The following SERPINB7 variants were observed in gnomAD, a reference collection of about 807,000 sequenced individuals.
The protein encoded by SERPINB7 is serpin family B member 7.
SERPINB7 carries 31 observed loss-of-function variants against 37.4 expected under a neutral mutation model. That is an observed-to-expected ratio of 0.83 (90% CI 0.62 to 1.12). SERPINB7 has a LOEUF of 1.12. SERPINB7 is among the 50% of genes most tolerant of loss of function. The pLI, the probability that SERPINB7 is intolerant of heterozygous loss-of-function variation, is 0.00. For synonymous variants in SERPINB7, 163 were observed against 166.1 expected (o/e 0.98, Z 0.14); for missense variants, 521 against 455.3 (o/e 1.14, Z -1.31).
At chr18:63,803,244 GAA>G (rs939797793) in intron 7 of SERPINB7, among the ~76,000 whole-genome samples, 1 of 147,252 alleles carries the variant, frequency 6.8e-6, no homozygotes, top group African/African-American at 2.5e-5. Context: ...TGCACTAAAT[GAA>G]AAAAAAAATT....
chr18:63,796,708 T>G (rs1246142667), intron 5 of SERPINB7, among the ~76,000 whole-genome samples: 1 of 152,194 alleles, frequency 6.6e-6, no homozygotes, highest in African/African-American at 2.4e-5. Context: ...AACCTCAATA[T>G]CTCACCCTCG....
chr18:63,780,297 T>C (rs2049289087), intron 1 of SERPINB7, among the ~76,000 whole-genome samples: 1 of 152,206 alleles, frequency 6.6e-6, no homozygotes, highest in Non-Finnish European at 1.5e-5. Context: ...GAAATTCTTA[T>C]GAATACTAAA....
chr18:63,783,226 G>GAAAGAAAGAAAGAA (rs1568207832), intron 2 of SERPINB7, among the ~76,000 whole-genome samples: 1 of 62,768 alleles, frequency 1.6e-5, no homozygotes, highest in African/African-American at 5.8e-5. Flanking sequence ...GAGAGAGAGA[G>GAAAGAAAGAAAGAA]AGAGAGAGAA....
At chr18:63,801,874 C>T (rs189787583) in intron 7 of SERPINB7, among the ~76,000 whole-genome samples, 19 of 152,230 alleles carry the variant, frequency 1.2e-4, no homozygotes, top group African/African-American at 4.6e-4. Flanking sequence ...TTTATGGCCT[C>T]CATAACAATG....
intron 2 of SERPINB7, among the ~76,000 whole-genome samples, chr18:63,789,153 C>G (rs527860974): frequency 6.6e-6 from 1 of 152,264 alleles, no homozygotes; most frequent in Non-Finnish European, 1.5e-5. Flanking sequence ...TGTTCTCAGC[C>G]TTTACTGGTT....
upstream of SERPINB7, among the ~76,000 whole-genome samples, chr18:63,772,561 T>G (rs1392740558): frequency 6.6e-6 from 1 of 152,048 alleles, no homozygotes; most frequent in Non-Finnish European, 1.5e-5. Flanking sequence ...ATAAAATAAT[T>G]TAGGAGGTGA....
At chr18:63,786,300 T>TGC (rs1214349956) in intron 2 of SERPINB7, among the ~76,000 whole-genome samples, 1 of 77,140 alleles carries the variant, frequency 1.3e-5, no homozygotes, top group African/African-American at 1.7e-4. Flanking sequence ...TAGTTTGGAT[T>TGC]ACACGTTTGG....
At chr18:63,784,310 A>C (rs2049343167) in intron 2 of SERPINB7, among the ~76,000 whole-genome samples, 1 of 152,138 alleles carries the variant, frequency 6.6e-6, no homozygotes, top group Non-Finnish European at 1.5e-5. Context: ...TGCATCATTT[A>C]GCAGCATTCC....
chr18:63,800,623 A>G (rs2049537162), intron 6 of SERPINB7, among the ~76,000 whole-genome samples: 1 of 152,184 alleles, frequency 6.6e-6, no homozygotes, highest in Non-Finnish European at 1.5e-5. Flanking sequence ...AACAGAGAGG[A>G]ACAGTAACTC....
intron 1 of SERPINB7, among the ~76,000 whole-genome samples, chr18:63,776,264 A>C (rs1598997650): frequency 6.6e-6 from 1 of 152,030 alleles, no homozygotes; most frequent in East Asian, 1.9e-4. Context: ...ATAGAACATC[A>C]CCAGAACCTC....
rs2049590089 is a variant in SERPINB7, at chr18:63,804,739, T to A, written c.*104T>A. ...GAAAAATGTGGTGTTTCCTTTGAGT[T>A]TATTTCTTCCTAACATTGGTCAGCA... On this transcript the variant is annotated 3_prime_UTR_variant, in exon 8 of 8. Coordinates refer to ENST00000398019, the MANE Select transcript of SERPINB7 (RefSeq NM_003784.4). 22 of 1,231,990 alleles carry A rather than the reference T, an allele frequency of 1.8e-5. No homozygotes were observed. The highest frequency in any genetic ancestry group is 2.5e-5 in the Non-Finnish European group (22 of 891,528). 76.3% of individuals were successfully genotyped at this position (1,231,990 alleles called of 1,614,324 possible). A position where few individuals can be genotyped will look rare whatever the true frequency, so the allele number is the denominator to read the frequency against.
rs761511740 is a variant in SERPINB7, at chr18:63,804,432, G to T, written c.940G>T (p.Gly314Cys). The T allele has an allele frequency of 6.2e-7, 1 of 1,613,704 alleles. No individual in the cohort carries two copies. The highest frequency in any genetic ancestry group is 1.7e-5 in the Admixed American group (1 of 59,932). The stretch of plus-strand genomic sequence containing the variant: ...AGATCTCTCTGGGATTGCTTCGGGG[G>T]GTCGTCTGTATATATCAAGGATGAT... ...KADLSGIASG[G>C]RLYISRMMHK... is the part of the protein sequence containing the mutation. Residue 314 changes from glycine (G) to cysteine (C), a missense_variant, in exon 8 of 8, where the codon GGT (glycine) becomes TGT (cysteine). Gly to Cys is a radical substitution (Grantham distance 159). Transcript: ENST00000398019.
intron 1 of SERPINB7, among the ~76,000 whole-genome samples, chr18:63,769,488 T>A (rs1242709457): frequency 6.6e-6 from 1 of 152,188 alleles, no homozygotes. Context: ...TTTTGCCATA[T>A]GAATTGAGAC....
At chr18:63,786,043 TATATA>T (rs1269880687) in intron 2 of SERPINB7, among the ~76,000 whole-genome samples, 11 of 100,704 alleles carry the variant, frequency 1.1e-4, no homozygotes, top group Admixed American at 2.4e-4. Context: ...TATACACATA[TATATA>T]ATATATGTAT....
At chr18:63,782,999 A>G (rs376945752) in intron 2 of SERPINB7, among the ~76,000 whole-genome samples, 5 of 151,404 alleles carry the variant, frequency 3.3e-5, no homozygotes, top group Non-Finnish European at 4.4e-5. Context: ...TTAGCCGGGC[A>G]TGGTGGCGGG....
intron 1 of SERPINB7, among the ~76,000 whole-genome samples, chr18:63,780,888 T>C (rs899225680): frequency 7.2e-5 from 11 of 152,214 alleles, no homozygotes; most frequent in African/African-American, 2.7e-4. Context: ...TTTCTGGAAA[T>C]GTTTGCTGTC....
chr18:63,776,025 C>T (rs2049244048), intron 1 of SERPINB7, among the ~76,000 whole-genome samples: 1 of 152,022 alleles, frequency 6.6e-6, no homozygotes, highest in South Asian at 2.1e-4. Flanking sequence ...TATTCTTTAC[C>T]TCACTGATGC....
chr18:63,782,523 C>G lies in SERPINB7; in HGVS notation c.151C>G (p.Leu51Val). The G allele has an allele frequency of 6.2e-7, 1 of 1,612,656 alleles. No individual in the cohort carries two copies. The highest frequency in any genetic ancestry group is 8.5e-7 in the Non-Finnish European group (1 of 1,179,284). ...LVRLGAQDDS[L>V]SQIDKLLHVN... ...CCGCTTGGGCGCTCAAGATGACTCC[C>G]TCTCTCAGATTGATAAGGTCAGTCT... Residue 51 changes from leucine (L) to valine (V), a missense_variant, in exon 2 of 8, where the codon CTC becomes GTC. Leu to Val is a conservative substitution (Grantham distance 32). Coordinates refer to ENST00000398019, the MANE Select transcript of SERPINB7 (RefSeq NM_003784.4).
chr18:63,759,051 A>G (rs563416074), intron 1 of SERPINB7, among the ~76,000 whole-genome samples: 5 of 152,234 alleles, frequency 3.3e-5, no homozygotes, highest in Non-Finnish European at 5.9e-5. Context: ...CTACTTGATC[A>G]TATGCATGGG....
Sources: allele counts gnomAD v4.1 joint callset (sites outside exome capture counted in the v4.1 genomes callset), GRCh38; gene constraint gnomAD v4.1.1; transcripts MANE v1.5; gene names NCBI Gene and HGNC (gene_info 2026-07-23, HGNC 2026-07-21).